The following ADRA1D variants were observed in gnomAD, a reference collection of about 807,000 sequenced individuals.
ADRA1D encodes adrenoceptor alpha 1D.
A neutral mutation model predicts 18.6 loss-of-function variants in ADRA1D; 22 were observed. The observed-to-expected ratio is 1.19, with a 90% CI of 0.85 to 1.69. ADRA1D has a LOEUF of 1.69. Among genes scored for constraint, ADRA1D ranks in the 40% most tolerant of loss-of-function variants. The pLI is 0.00. For missense variants in ADRA1D, 840 were observed against 840.7 expected, an observed-to-expected ratio of 1.00 and a Z score of 0.01; for synonymous variants, 376 against 388.2, an observed-to-expected ratio of 0.97 and a Z score of 0.37.
At chr20:4,236,115 C>T (rs1278359022) in intron 1 of ADRA1D, among the ~76,000 whole-genome samples, 1 of 152,192 alleles carries the variant, frequency 6.6e-6, no homozygotes, top group African/African-American at 2.4e-5. Context: ...TGGCCCCAGG[C>T]CGACCTCTGA....
intron 1 of ADRA1D, 115 bp downstream of exon 1, chr20:4,247,732 C>A: frequency 8.1e-7 from 1 of 1,240,448 alleles, no homozygotes; most frequent in Non-Finnish European, 1.1e-6. Context: ...AGACTCAGGA[C>A]TTGCTAAGTC....
At chr20:4,241,606 G>A (rs1224408945) in intron 1 of ADRA1D, among the ~76,000 whole-genome samples, 1 of 152,128 alleles carries the variant, frequency 6.6e-6, no homozygotes, top group Non-Finnish European at 1.5e-5. Context: ...ACAGGTAGGA[G>A]ATGTAATGCC....
rs115960467 is a variant in ADRA1D, at chr20:4,245,228, T to C, written c.1111+2619A>G. On this transcript the variant is annotated intron_variant, in intron 1 of 1. Transcript: ENST00000379453. ...TGTGGAATACTCTCAAATGTACTGC[T>C]GTGAAAATGGCCCAGCATGGATAAA... Among the ~76,000 whole-genome samples the C allele has an allele frequency of 7.5e-3, 1,141 of 152,330 alleles. 18 individuals carry two copies. Among genetic ancestry groups the C allele is most frequent in the African/African-American group, 0.026 (1,081 of 41,572 alleles).
chr20:4,221,304 G>A lies in ADRA1D; in HGVS notation c.*219C>T. On this transcript the variant is annotated 3_prime_UTR_variant, in exon 2 of 2. Transcript: ENST00000379453. ...GCAGCCTCTCCCTTCTAAGAAAAGA[G>A]TTCTGGGCACCTGAGTCCAGCAGGG... 2.1e-6 allele frequency: 1 copy of A among 487,460 alleles called. No individual in the cohort carries two copies. Among genetic ancestry groups the A allele is most frequent in the South Asian group, 4.4e-5 (1 of 22,944 alleles). The allele number at this position is 487,460 out of a possible 1,614,324, so 30.2% of individuals were successfully genotyped here. A position where few individuals can be genotyped will look rare whatever the true frequency, so the allele number is the denominator to read the frequency against.
At chr20:4,232,847 C>T (rs759187919) in intron 1 of ADRA1D, among the ~76,000 whole-genome samples, 73 of 152,204 alleles carry the variant, frequency 4.8e-4, no homozygotes, top group Non-Finnish European at 1.5e-4. Context: ...TAGAGAAGGC[C>T]GGCCCCCTTG....
chr20:4,237,038 G>T (rs1273599173), intron 1 of ADRA1D, among the ~76,000 whole-genome samples: 1 of 152,196 alleles, frequency 6.6e-6, no homozygotes, highest in African/African-American at 2.4e-5. Context: ...TGTCTGAGGG[G>T]CTGCTGGGAC....
At chr20:4,247,353 G>A (rs530134600) in intron 1 of ADRA1D, among the ~76,000 whole-genome samples, 1 of 152,298 alleles carries the variant, frequency 6.6e-6, no homozygotes, top group Non-Finnish European at 1.5e-5. Flanking sequence ...TCCCAAATGG[G>A]GCCAGCTTCC....
At chr20:4,225,612 T>C (rs1214740076) in intron 1 of ADRA1D, among the ~76,000 whole-genome samples, 1 of 151,530 alleles carries the variant, frequency 6.6e-6, no homozygotes, top group Non-Finnish European at 1.5e-5. Flanking sequence ...AGTAGTGTCT[T>C]GCCATGTTGG....
At chr20:4,241,686 C>G (rs1981217909) in intron 1 of ADRA1D, among the ~76,000 whole-genome samples, 1 of 152,176 alleles carries the variant, frequency 6.6e-6, no homozygotes, top group Non-Finnish European at 1.5e-5. Flanking sequence ...CAAAGCATCC[C>G]TTGCCTCTCC....
rs1489292381 is a variant in ADRA1D at position 4,248,241 on chromosome 20, C to T, written c.717G>A (p.Val239=). 2 of 1,605,234 alleles carry T rather than the reference C, an allele frequency of 1.2e-6. No individual in the cohort carries two copies. The highest frequency in any genetic ancestry group is 1.7e-6 in the Non-Finnish European group (2 of 1,176,370). The change falls in exon 1 of 2, where the codon GTG becomes GTA. Residue 239 remains valine (V), a synonymous_variant. Transcript: ENST00000379453. ...TACCGCAGAAGCGCTCGTCAGGGGG[C>T]ACGGGCTCCTTCCAGCCCAGCAGGG... ...VGPLLGWKEP[V]PPDERFCGIT...
chr20:4,238,221 C>G (rs1050926171), intron 1 of ADRA1D, among the ~76,000 whole-genome samples: 19 of 151,664 alleles, frequency 1.3e-4, no homozygotes, highest in Admixed American at 3.3e-4. Context: ...CCACTGCACT[C>G]CAACCTGGGT....
Position 4,222,337 on chromosome 20 carries a change from G to T in ADRA1D, c.1112-207C>A. The stretch of plus-strand genomic sequence containing the variant: ...TCACTCACCTCTACCTGATATTGAG[G>T]ATTACCTTCAATGAATGTAGGCAAC... On this transcript the variant is annotated intron_variant, in intron 1 of 1. Coordinates refer to ENST00000379453, the MANE Select transcript of ADRA1D (RefSeq NM_000678.4). The surrounding 1 kb of genome is among the most constrained non-coding windows in gnomAD (Gnocchi z 4.3). 1.6e-6 allele frequency: 1 copy of T among 617,720 alleles called. No homozygotes were observed. The highest frequency in any genetic ancestry group is 1.9e-5 in the African/African-American group (1 of 51,786). 38.3% of individuals were successfully genotyped at this position (617,720 alleles called of 1,614,324 possible). A position where few individuals can be genotyped will look rare whatever the true frequency, so the allele number is the denominator to read the frequency against.
chr20:4,235,760 G>A (rs1167794508), intron 1 of ADRA1D, among the ~76,000 whole-genome samples: 1 of 152,270 alleles, frequency 6.6e-6, no homozygotes, highest in Admixed American at 6.5e-5. Context: ...AGAGACTCAA[G>A]ACCCTGTTCT....
rs1346105576 is a variant in ADRA1D at position 4,222,798 on chromosome 20, G to A, written c.1112-668C>T. ...ATAAAATTTTGTACATATGGAACCC[G>A]CGCTACCTATATATAAACAGTAGAT... On this transcript the variant is annotated intron_variant, in intron 1 of 1. Transcript: ENST00000379453. The surrounding 1 kb of genome is among the most constrained non-coding windows in gnomAD (Gnocchi z 4.3). Among the ~76,000 whole-genome samples the A allele has an allele frequency of 6.6e-6, 1 of 152,102 alleles. No individual in the cohort carries two copies. Among genetic ancestry groups the A allele is most frequent in the African/African-American group, 2.4e-5 (1 of 41,408 alleles).
At chr20:4,234,109 CACATATTGTTGGGGAA>C (rs1167072471) in intron 1 of ADRA1D, among the ~76,000 whole-genome samples, 1 of 152,182 alleles carries the variant, frequency 6.6e-6, no homozygotes, top group Non-Finnish European at 1.5e-5. Context: ...CAGCCTGGCC[CACATATTGTTGGGGAA>C]ACTGAAGCAG....
At chr20:4,233,748 C>T (rs1981024400) in intron 1 of ADRA1D, among the ~76,000 whole-genome samples, 1 of 152,114 alleles carries the variant, frequency 6.6e-6, no homozygotes, top group Admixed American at 6.5e-5. Context: ...CCTGAGTGTG[C>T]ACGTTTGTGT....
At chr20:4,225,926 G>A (rs1980788231) in intron 1 of ADRA1D, among the ~76,000 whole-genome samples, 1 of 152,172 alleles carries the variant, frequency 6.6e-6, no homozygotes, top group African/African-American at 2.4e-5. Context: ...GAATGTGGGG[G>A]CCACTAGTGT....
At chr20:4,237,660 T>A (rs1302696443) in intron 1 of ADRA1D, among the ~76,000 whole-genome samples, 1 of 144,284 alleles carries the variant, frequency 6.9e-6, no homozygotes, top group African/African-American at 2.5e-5. Context: ...TGTCAGGATT[T>A]TTTTTTTTTT....
At chr20:4,243,376 G>T (rs1201286317) in intron 1 of ADRA1D, among the ~76,000 whole-genome samples, 1 of 152,120 alleles carries the variant, frequency 6.6e-6, no homozygotes, top group African/African-American at 2.4e-5. Context: ...TCCCGATGAG[G>T]AGGGCAGATT....
Sources: gnomAD v4.1 joint callset for allele counts (sites outside exome capture counted in the v4.1 genomes callset) on GRCh38, gnomAD v4.1.1 for gene constraint, Gnocchi (gnomAD v3.1) non-coding constraint, MANE v1.5 for transcripts, NCBI Gene and HGNC (gene_info 2026-07-23, HGNC 2026-07-21) for gene names.